The following MCM10 variants were observed in gnomAD, a reference collection of about 807,000 sequenced individuals.
MCM10 encodes protein MCM10 homolog.
Under a neutral mutation model 109.9 loss-of-function variants are expected in MCM10, and 91 were observed. The observed-to-expected ratio is 0.83, with a 90% CI of 0.70 to 0.99. MCM10 has a LOEUF of 0.99. MCM10 is among the 50% of genes least tolerant of loss of function. The pLI, the probability that MCM10 is intolerant of heterozygous loss-of-function variation, is 0.00. For synonymous variants in MCM10, 380 were observed against 387.2 expected (o/e 0.98, Z 0.22); for missense variants, 1,077 against 1,061.2 (o/e 1.01, Z -0.21).
chr10:13,185,259 G>C lies in MCM10; in HGVS notation c.1099-905G>C, dbSNP rs188052185. On this transcript the variant is annotated intron_variant, in intron 8 of 19. Coordinates refer to ENST00000378714, the MANE Select transcript of MCM10 (RefSeq NM_018518.5). ...GGTTTTATAACCTGGAGGCTACTTG[G>C]CTTATTGAGCTCAAGTGTTGTAAGA... 2.9e-3 allele frequency among the ~76,000 whole-genome samples: 445 copies of C among 152,282 alleles called. 4 individuals carry two copies. Among genetic ancestry groups the C allele is most frequent in the African/African-American group, 9.7e-3 (402 of 41,552 alleles).
chr10:13,206,330 C>T (rs1834580715), intron 18 of MCM10, among the ~76,000 whole-genome samples: 1 of 152,222 alleles, frequency 6.6e-6, no homozygotes, highest in Non-Finnish European at 1.5e-5. Flanking sequence ...GGTCCCCTGG[C>T]CTCAGCCCCT....
chr10:13,179,059 G>A (rs555457133), intron 6 of MCM10, among the ~76,000 whole-genome samples: 1 of 152,286 alleles, frequency 6.6e-6, no homozygotes, highest in South Asian at 2.1e-4. Context: ...TTTGTATCCT[G>A]CAACTTTATT....
chr10:13,201,393 G>A, intron 16 of MCM10, 28 bp from the exon 17 acceptor site: 1 of 1,438,584 alleles, frequency 7.0e-7, no homozygotes, highest in Non-Finnish European at 9.7e-7. Context: ...TTTAGTACCA[G>A]GTCTTTCATT....
intron 14 of MCM10, 75 bp downstream of exon 14, chr10:13,195,344 A>G: frequency 1.8e-6 from 2 of 1,082,636 alleles, no homozygotes; most frequent in Non-Finnish European, 2.7e-6. Flanking sequence ...ACAGACACCT[A>G]ATAGCTCTTT....
chr10:13,205,871 C>T (rs1308103968), intron 18 of MCM10, among the ~76,000 whole-genome samples: 2 of 152,150 alleles, frequency 1.3e-5, no homozygotes, highest in Non-Finnish European at 1.5e-5. Context: ...ACATCAGATA[C>T]GGAGGCAGAG....
rs1378759159 is a variant in MCM10 at position 13,198,777 on chromosome 10, A to G, written c.2208A>G (p.Ala736=). 10 of 1,613,452 alleles carry G rather than the reference A, an allele frequency of 6.2e-6. No homozygotes were observed. The highest frequency in any genetic ancestry group is 1.3e-5 in the African/African-American group (1 of 75,064). Residue 736 remains alanine, a synonymous_variant, in exon 16 of 20, where the codon GCA becomes GCG. Coordinates refer to ENST00000378714, the MANE Select transcript of MCM10 (RefSeq NM_018518.5). ...ESEEFQKILK[A]KSKHTGILKE... ...AGGAATTTCAGAAAATCCTAAAAGC[A>G]AAATCAAAACACACAGGCATCCTGA...
chr10:13,175,420 CAAAG>C (rs971883096), intron 5 of MCM10, 86 bp from the exon 6 acceptor site: 4 of 1,131,760 alleles, frequency 3.5e-6, no homozygotes, highest in Non-Finnish European at 5.3e-6. Context: ...GTCCCTATCT[CAAAG>C]GAACAAATCC....
At chr10:13,204,151 A>T in intron 17 of MCM10, 68 bp from the exon 18 acceptor site, 1 of 1,570,134 alleles carries the variant, frequency 6.4e-7, no homozygotes, top group Non-Finnish European at 8.7e-7. Flanking sequence ...GATTGCCCTT[A>T]CTGCAGCTGA....
chr10:13,171,414 G>A (rs1170719064), intron 3 of MCM10, 151 bp downstream of exon 3: 3 of 766,226 alleles, frequency 3.9e-6, no homozygotes, highest in East Asian at 2.7e-5. Context: ...TATATGAGTT[G>A]GTAGATGAAA....
intron 9 of MCM10, 138 bp downstream of exon 9, chr10:13,186,418 T>G: frequency 1.8e-6 from 1 of 568,674 alleles, no homozygotes; most frequent in East Asian, 3.1e-5. Flanking sequence ...GAAAATTTAA[T>G]GTGTGGTTAA....
intron 6 of MCM10, among the ~76,000 whole-genome samples, chr10:13,179,814 C>T (rs1431752059): frequency 6.6e-6 from 1 of 152,106 alleles, no homozygotes; most frequent in East Asian, 1.9e-4. Context: ...AATATTAATT[C>T]ATGGTTTTGT....
In MCM10 at chr10:13,181,549, A is replaced by G. The variant is rs147766004; in HGVS notation, c.930+942A>G. Among the ~76,000 whole-genome samples the G allele has an allele frequency of 4.1e-4, 62 of 152,256 alleles. No individual in the cohort carries two copies. The East Asian group carries it at 0.012, about 28-fold the overall frequency. Reference sequence around the variant, plus strand: ...GGTGGAGGGCAGGGAGGGGGAGAGCATTAGGGAAAAGAGCTAATGCATGGC... The same window carrying G: ...GGTGGAGGGCAGGGAGGGGGAGAGCGTTAGGGAAAAGAGCTAATGCATGGC... On this transcript the variant is annotated intron_variant, in intron 7 of 19. Coordinates refer to ENST00000378714, the MANE Select transcript of MCM10 (RefSeq NM_018518.5).
At chr10:13,208,566 C>CAAAAAAAA (rs55683228) in intron 18 of MCM10, among the ~76,000 whole-genome samples, 1 of 114,450 alleles carries the variant, frequency 8.7e-6, no homozygotes, top group Non-Finnish European at 1.7e-5. Flanking sequence ...CCCATCTCTC[C>CAAAAAAAA]AAAAAAAAAA....
intron 17 of MCM10, among the ~76,000 whole-genome samples, chr10:13,202,112 A>T (rs1834508318): frequency 6.6e-6 from 1 of 152,254 alleles, no homozygotes; most frequent in Non-Finnish European, 1.5e-5. Context: ...GAATCCCAGC[A>T]CTTTTGGATG....
At chr10:13,200,379 C>A (rs11258248) in intron 16 of MCM10, among the ~76,000 whole-genome samples, 13,337 of 152,198 alleles carry the variant, frequency 0.088, 815 homozygotes, top group East Asian at 0.23. Flanking sequence ...CTGCCAGCCA[C>A]AGAGGTAGCA....
intron 2 of MCM10, among the ~76,000 whole-genome samples, chr10:13,168,683 C>T (rs1465125304): frequency 1.3e-5 from 2 of 152,130 alleles, no homozygotes; most frequent in African/African-American, 4.8e-5. Flanking sequence ...TTAACCTCAC[C>T]AGTAATCCAA....
At chr10:13,178,335 T>A (rs930074730) in intron 6 of MCM10, among the ~76,000 whole-genome samples, 1 of 152,236 alleles carries the variant, frequency 6.6e-6, no homozygotes, top group East Asian at 1.9e-4. Context: ...GTGATCCACC[T>A]GCCTCGGCCT....
intron 2 of MCM10, among the ~76,000 whole-genome samples, chr10:13,166,941 C>T (rs1337363838): frequency 2.6e-5 from 4 of 151,650 alleles, no homozygotes; most frequent in Non-Finnish European, 5.9e-5. Flanking sequence ...GAGTTCAAGA[C>T]GAGACTGGGC....
At chr10:13,197,476 A>C in intron 14 of MCM10, 147 bp from the exon 15 acceptor site, 2 of 632,076 alleles carry the variant, frequency 3.2e-6, no homozygotes, top group Non-Finnish European at 5.4e-6. Context: ...TGTGTTAATA[A>C]TACTAAGTAA....
Sources: allele counts gnomAD v4.1 joint callset (sites outside exome capture counted in the v4.1 genomes callset), GRCh38; gene constraint gnomAD v4.1.1; transcripts MANE v1.5; gene names NCBI Gene and HGNC (gene_info 2026-07-23, HGNC 2026-07-21).